EYA4: variants seen among roughly 807,000 people sequenced by gnomAD.
The protein encoded by EYA4 is protein phosphatase EYA4.
A neutral mutation model predicts 87.9 loss-of-function variants in EYA4; 31 were observed. The ratio of observed to expected loss-of-function variants is 0.35; its 90% CI spans 0.27 to 0.48. The LOEUF is 0.48. EYA4 is among the 20% of genes least tolerant of loss of function. The pLI, the probability that EYA4 is intolerant of heterozygous loss-of-function variation, is 0.99. For synonymous variants in EYA4, 263 were observed against 270.6 expected (o/e 0.97, Z 0.28); for missense variants, 678 against 761.4 (o/e 0.89, Z 1.29).
chr6:133,312,382 GCACACACACA>G (rs78921867), intron 2 of EYA4, among the ~76,000 whole-genome samples: 2 of 147,802 alleles, frequency 1.4e-5, no homozygotes, highest in Admixed American at 6.8e-5. Flanking sequence ...AGAGGCGCGT[GCACACACACA>G]CACACACACA....
Position 133,526,623 on chromosome 6 carries a change from G to A in EYA4, c.1839+1369G>A, listed in dbSNP as rs573785205. ...GAACACCTCAGCCTTCATTAGCAGT[G>A]TCAATGACCCAAGACAGCACACTAG... On this transcript the variant is annotated intron_variant, in intron 19 of 19. Transcript: ENST00000355286. Among the ~76,000 whole-genome samples, 211 of 152,250 alleles carry A rather than the reference G, an allele frequency of 1.4e-3. 1 individual carries two copies. The highest frequency in any genetic ancestry group is 2.2e-3 in the Non-Finnish European group (152 of 68,022).
Position 133,468,515 on chromosome 6 carries a change from A to G in EYA4, c.805-51A>G, listed in dbSNP as rs763676242. Reference sequence around the variant, plus strand: ...TAATGACTGGTTTTCTTGGGAGAGTATTAAAGAGTAATTTCTCTTTCAAAC... The same window carrying G: ...TAATGACTGGTTTTCTTGGGAGAGTGTTAAAGAGTAATTTCTCTTTCAAAC... On this transcript the variant is annotated intron_variant, in intron 10 of 19. Coordinates refer to ENST00000355286, the MANE Select transcript of EYA4 (RefSeq NM_004100.5). 3.6e-6 allele frequency: 5 copies of G among 1,407,158 alleles called. No homozygotes were observed. In the Admixed American group the frequency reaches 6.7e-5, roughly 19 times the overall value. 87.2% of individuals were successfully genotyped at this position (1,407,158 alleles called of 1,614,324 possible).
At chr6:133,480,150 A>C (rs1013416995) in intron 11 of EYA4, among the ~76,000 whole-genome samples, 2 of 152,144 alleles carry the variant, frequency 1.3e-5, no homozygotes, top group African/African-American at 4.8e-5. Flanking sequence ...ACTAGCTCAT[A>C]AGGAATGGGA....
intron 3 of EYA4, among the ~76,000 whole-genome samples, chr6:133,443,559 C>A (rs1436909773): frequency 6.6e-6 from 1 of 151,946 alleles, no homozygotes; most frequent in Non-Finnish European, 1.5e-5. Context: ...CTTCTACTTA[C>A]CTTTTGTTTA....
chr6:133,468,460 T>A (rs1286118123), intron 10 of EYA4, 106 bp from the exon 11 acceptor site: 2 of 921,098 alleles, frequency 2.2e-6, no homozygotes, highest in African/African-American at 3.3e-5. Flanking sequence ...CAGAAACAAA[T>A]GGGGCTGAGT....
intron 2 of EYA4, among the ~76,000 whole-genome samples, chr6:133,368,612 A>C (rs1431979135): frequency 6.6e-6 from 1 of 152,200 alleles, no homozygotes; most frequent in Non-Finnish European, 1.5e-5. Context: ...GATCCTAACC[A>C]TACTAGGAAC....
intron 18 of EYA4, 157 bp from the exon 19 acceptor site, chr6:133,524,997 C>T (rs989642864): frequency 6.3e-7 from 1 of 1,593,248 alleles, no homozygotes; most frequent in African/African-American, 1.3e-5. Context: ...GAAGAATAAG[C>T]AGTGCATTGT....
chr6:133,364,735 A>T (rs1784727453), intron 2 of EYA4, among the ~76,000 whole-genome samples: 1 of 152,210 alleles, frequency 6.6e-6, no homozygotes, highest in South Asian at 2.1e-4. Context: ...CAGGGCTGAT[A>T]GTCAAAGTAT....
intron 13 of EYA4, among the ~76,000 whole-genome samples, chr6:133,490,407 A>C (rs1296353153): frequency 6.6e-6 from 1 of 151,976 alleles, no homozygotes; most frequent in African/African-American, 2.4e-5. Context: ...AAAAAACAAA[A>C]AACCGTGACC....
rs372026362 is a variant in EYA4 at position 133,311,633 on chromosome 6, G to C, written c.33+36820G>C. On this transcript the variant is annotated intron_variant, in intron 2 of 19. Coordinates refer to ENST00000355286, the MANE Select transcript of EYA4 (RefSeq NM_004100.5). ...TGCACCCGGCTTAAATTTTAGATTAGATAACATCTACCTCACCTCCAAAGC... is the reference window on the plus strand; with the variant it reads ...TGCACCCGGCTTAAATTTTAGATTACATAACATCTACCTCACCTCCAAAGC... Among the ~76,000 whole-genome samples the C allele has an allele frequency of 3.3e-5, 5 of 152,080 alleles. No homozygotes were observed. In the South Asian group the frequency reaches 1.0e-3, roughly 32 times the overall value.
At chr6:133,315,573 A>G (rs1780560334) in intron 2 of EYA4, among the ~76,000 whole-genome samples, 1 of 152,202 alleles carries the variant, frequency 6.6e-6, no homozygotes, top group Non-Finnish European at 1.5e-5. Flanking sequence ...AAATGAGTGC[A>G]AGAAACGCGC....
intron 2 of EYA4, among the ~76,000 whole-genome samples, chr6:133,315,605 A>T (rs1329164884): frequency 1.3e-5 from 2 of 152,168 alleles, no homozygotes; most frequent in African/African-American, 4.8e-5. Context: ...AAGTGGGAAG[A>T]TACTGAAGCA....
At chr6:133,359,453 C>T (rs1445311123) in intron 2 of EYA4, among the ~76,000 whole-genome samples, 1 of 152,196 alleles carries the variant, frequency 6.6e-6, no homozygotes, top group Non-Finnish European at 1.5e-5. Flanking sequence ...ATGTCTGAAT[C>T]ATAGTTTTTC....
intron 2 of EYA4, among the ~76,000 whole-genome samples, chr6:133,364,732 G>A (rs1004306124): frequency 1.4e-4 from 22 of 152,180 alleles, no homozygotes; most frequent in African/African-American, 4.6e-4. Context: ...AGCCAGGGCT[G>A]ATAGTCAAAG....
chr6:133,329,410 G>T (rs1409589719), intron 2 of EYA4, among the ~76,000 whole-genome samples: 1 of 152,070 alleles, frequency 6.6e-6, no homozygotes, highest in Non-Finnish European at 1.5e-5. Flanking sequence ...TGAAAGAGAT[G>T]AAATTCTGGA....
intron 3 of EYA4, among the ~76,000 whole-genome samples, chr6:133,433,116 G>C (rs887194242): frequency 6.6e-6 from 1 of 152,086 alleles, no homozygotes; most frequent in African/African-American, 2.4e-5. Context: ...TTTTTGTATA[G>C]CATAATAAAC....
intron 3 of EYA4, among the ~76,000 whole-genome samples, chr6:133,393,958 A>G (rs1261430399): frequency 6.6e-6 from 1 of 152,218 alleles, no homozygotes; most frequent in East Asian, 1.9e-4. Context: ...TAGAGATTCC[A>G]AAATTTTGAT....
chr6:133,440,150 CA>C (rs1181551868), intron 3 of EYA4, among the ~76,000 whole-genome samples: 1 of 152,200 alleles, frequency 6.6e-6, no homozygotes, highest in Non-Finnish European at 1.5e-5. Flanking sequence ...GTAATTTGAA[CA>C]ACTCTTTATA....
intron 13 of EYA4, among the ~76,000 whole-genome samples, chr6:133,500,388 C>T: frequency 6.6e-6 from 1 of 152,170 alleles, no homozygotes; most frequent in Non-Finnish European, 1.5e-5. Context: ...CATAACGCCT[C>T]TCTATCCTTT....
Sources: allele counts gnomAD v4.1 joint callset (sites outside exome capture counted in the v4.1 genomes callset), GRCh38; gene constraint gnomAD v4.1.1; transcripts MANE v1.5; gene names NCBI Gene and HGNC (gene_info 2026-07-23, HGNC 2026-07-21).